Variants in HDGFL2 observed in about 807,000 individuals in gnomAD.
HDGFL2 encodes HDGF like 2.
HDGFL2 carries 36 observed loss-of-function variants against 77.1 expected under a neutral mutation model. The ratio of observed to expected loss-of-function variants is 0.47; its 90% CI spans 0.36 to 0.62. The LOEUF (loss-of-function observed/expected upper bound fraction) is 0.62, where lower values mean the gene tolerates loss of function less well. HDGFL2 is among the 20% of genes least tolerant of loss of function. The pLI, the probability that HDGFL2 is intolerant of heterozygous loss-of-function variation, is 0.00. For synonymous variants in HDGFL2, 463 were observed against 413.1 expected, an observed-to-expected ratio of 1.12 and a Z score of -1.46; for missense variants, 976 against 973.4, an observed-to-expected ratio of 1.00 and a Z score of -0.04.
chr19:4,494,886 C>G (rs1048537118), intron 9 of HDGFL2, among the ~76,000 whole-genome samples: 1 of 152,024 alleles, frequency 6.6e-6, no homozygotes, highest in African/African-American at 2.4e-5. Flanking sequence ...ATCCACTGCA[C>G]TCCAGCCTGG....
At chr19:4,498,760 C>A in intron 12 of HDGFL2, 54 bp from the exon 13 acceptor site, 1 of 1,241,604 alleles carries the variant, frequency 8.1e-7, no homozygotes, top group Non-Finnish European at 1.2e-6. Flanking sequence ...GGCCCTGGGA[C>A]CCCTGGGGAT....
chr19:4,475,065 G>A (rs778215808), intron 1 of HDGFL2: 2 of 575,982 alleles, frequency 3.5e-6, no homozygotes, highest in East Asian at 2.9e-5. Flanking sequence ...CTCCGTCCCT[G>A]GGGTAGGGGG....
rs1294197515 is a variant in HDGFL2 at position 4,488,778 on chromosome 19, G to A, written c.391G>A (p.Val131Ile). 7.7e-6 allele frequency: 12 copies of A among 1,552,102 alleles called. No individual in the cohort carries two copies. Among genetic ancestry groups the A allele is most frequent in the Non-Finnish European group, 1.0e-5 (12 of 1,147,320 alleles). ...EDRGVMAVTA[V>I]TATAASDRME... The stretch of plus-strand genomic sequence containing the variant: ...CCGGGGGGTCATGGCCGTCACAGCG[G>A]TAACCGCCACAGCTGCCAGCGACAG... The change falls in exon 4 of 16, where the codon GTA becomes ATA. Residue 131 changes from valine to isoleucine, a missense_variant. By Grantham distance (29) the Val-to-Ile change is conservative. Around this residue, in one of 5 missense-constraint regions of HDGFL2, gnomAD observed 567 missense variants for 534.7 expected, o/e 1.06. Transcript: ENST00000616600.
At chr19:4,472,450 T>TGGGGGGGGG (rs57169858) in intron 1 of HDGFL2, 28 bp downstream of exon 1, 11 of 282,872 alleles carry the variant, frequency 3.9e-5, no homozygotes, top group South Asian at 1.6e-4. Flanking sequence ...ATGGGGCCGG[T>TGGGGGGGGG]GGGGGGGGGG....
chr19:4,492,213 G>A (rs1287981982), intron 6 of HDGFL2, among the ~76,000 whole-genome samples: 3 of 152,100 alleles, frequency 2.0e-5, no homozygotes, highest in Admixed American at 6.5e-5. Flanking sequence ...GTGCACGTGT[G>A]TCGACGTGCA....
At chr19:4,472,921 G>A (rs1974982220) in intron 1 of HDGFL2, among the ~76,000 whole-genome samples, 2 of 148,634 alleles carry the variant, frequency 1.3e-5, no homozygotes, top group East Asian at 4.1e-4. Context: ...GGGCCTCAGG[G>A]GGCCGCGCCT....
chr19:4,502,030 A>G lies in HDGFL2; in HGVS notation c.*20A>G, dbSNP rs1432338883. Reference sequence around the variant, plus strand: ...AGCTGAGCCGCGGGCAGCCAGGCCCAGCCCCCGCCCGAGCTCAGGCTGCCC... The same window carrying G: ...AGCTGAGCCGCGGGCAGCCAGGCCCGGCCCCCGCCCGAGCTCAGGCTGCCC... On this transcript the variant is annotated 3_prime_UTR_variant, in exon 16 of 16. Coordinates refer to ENST00000616600, the MANE Select transcript of HDGFL2 (RefSeq NM_001001520.3). The G allele has an allele frequency of 1.1e-5, 17 of 1,510,522 alleles. No homozygotes were observed. The highest frequency in any genetic ancestry group is 2.1e-5 in the Admixed American group (1 of 46,920). The allele number at this position is 1,510,522 out of a possible 1,614,324, so 93.6% of individuals were successfully genotyped here. A position where few individuals can be genotyped will look rare whatever the true frequency, so the allele number is the denominator to read the frequency against.
At position 4,498,364 on chromosome 19, in the gene HDGFL2, G is replaced by A. The variant is rs1316086988; in HGVS notation, c.1461G>A (p.Lys487=). ...KLHSEIKFAL[K]VDSPDVKRCL... Reference sequence around the variant, plus strand: ...ACAGTGAGATCAAGTTTGCCCTAAAGGTCGACAGCCCGGTAAGACCCTCAG... The same window carrying A: ...ACAGTGAGATCAAGTTTGCCCTAAAAGTCGACAGCCCGGTAAGACCCTCAG... Residue 487 remains lysine, a synonymous_variant, in exon 12 of 16, where the codon AAG becomes AAA. Coordinates refer to ENST00000616600, the MANE Select transcript of HDGFL2 (RefSeq NM_001001520.3). 6.2e-7 allele frequency: 1 copy of A among 1,613,592 alleles called. No homozygotes were observed. The highest frequency in any genetic ancestry group is 8.5e-7 in the Non-Finnish European group (1 of 1,179,764).
In HDGFL2 at chr19:4,494,218, C is replaced by T. The variant is rs1406815588; in HGVS notation, c.967C>T (p.Arg323Trp). ...ISEWKRRDEA[R>W]RRELEARRRR... Reference sequence around the variant, plus strand: ...TGAGTGGAAGCGGCGGGACGAGGCGCGGAGGCGCGAGCTGGAGGCCCGGCG... The same window carrying T: ...TGAGTGGAAGCGGCGGGACGAGGCGTGGAGGCGCGAGCTGGAGGCCCGGCG... The change falls in exon 9 of 16, where the codon CGG (arginine) becomes TGG (tryptophan). Residue 323 changes from arginine (R) to tryptophan (W), a missense_variant. This residue lies in a region of HDGFL2 where 567 missense variants were observed against 534.7 expected (regional missense o/e 1.06). Coordinates refer to ENST00000616600, the MANE Select transcript of HDGFL2 (RefSeq NM_001001520.3). The T allele has an allele frequency of 6.8e-7, 1 of 1,465,998 alleles. No homozygotes were observed. The highest frequency in any genetic ancestry group is 1.5e-5 in the African/African-American group (1 of 68,572). The allele number at this position is 1,465,998 out of a possible 1,614,324, so 90.8% of individuals were successfully genotyped here.
At chr19:4,475,735 G>A in intron 3 of HDGFL2, 152 bp downstream of exon 3, 1 of 972,382 alleles carries the variant, frequency 1.0e-6, no homozygotes, top group Non-Finnish European at 1.4e-6. Flanking sequence ...GCTGAGCAGT[G>A]TCCCTGGCCT....
chr19:4,479,487 A>G (rs1183198886), intron 3 of HDGFL2, among the ~76,000 whole-genome samples: 1 of 151,574 alleles, frequency 6.6e-6, no homozygotes, highest in Admixed American at 6.6e-5. Context: ...AGGCTGAAGC[A>G]GGAGAATGGC....
In HDGFL2 at chr19:4,493,798, CTCT is replaced by C. The variant is rs1568214024; in HGVS notation, c.777_779del (p.Ser264del). 1 of 1,542,288 alleles carries C rather than the reference CTCT, an allele frequency of 6.5e-7. No homozygotes were observed. Among genetic ancestry groups the C allele is most frequent in the East Asian group, 2.5e-5 (1 of 40,446 alleles). ...TGGCGCGGTCGGCGTCCTCCTCCTC[CTCT>C]TCCTCCTCCTCCTCCGACTCCGATG... On this transcript the variant is annotated inframe_deletion, in exon 7 of 16. Coordinates refer to ENST00000616600, the MANE Select transcript of HDGFL2 (RefSeq NM_001001520.3).
intron 10 of HDGFL2, 49 bp from the exon 11 acceptor site, chr19:4,497,909 G>A (rs1455463175): frequency 6.7e-7 from 1 of 1,495,836 alleles, no homozygotes; most frequent in Non-Finnish European, 9.1e-7. Context: ...GCCCCTCAGT[G>A]GCAGAGTGCC....
At chr19:4,484,410 C>T (rs942062760) in intron 3 of HDGFL2, among the ~76,000 whole-genome samples, 3 of 151,976 alleles carry the variant, frequency 2.0e-5, no homozygotes, top group Non-Finnish European at 2.9e-5. Flanking sequence ...TTTTTCCCAT[C>T]GAGATAACTT....
chr19:4,494,364 G>T lies in HDGFL2; in HGVS notation c.1113G>T (p.Gly371=). The part of the protein sequence containing the change: ...EAERGSGGSS[G]DELREDDEPV... ...AGCGGGGCAGCGGCGGCAGCAGCGG[G>T]GACGAGCTCAGGGAGGACGATGAGC... is the stretch of plus-strand genomic sequence containing the variant. Residue 371 remains glycine, a synonymous_variant, in exon 9 of 16, where the codon GGG becomes GGT. Coordinates refer to ENST00000616600, the MANE Select transcript of HDGFL2 (RefSeq NM_001001520.3). The T allele has an allele frequency of 7.1e-7, 1 of 1,406,324 alleles. No individual in the cohort carries two copies. 87.1% of individuals were successfully genotyped at this position (1,406,324 alleles called of 1,614,324 possible).
chr19:4,501,986 G>C lies in HDGFL2; in HGVS notation c.1992G>C (p.Ser664=), dbSNP rs532686672. ...AGCGCGAGAGGGCACGGGGGGACTC[G>C]GAGGCCCTGGACGAGGAGAGCTGAG... ...RQERERARGD[S]EALDEES is the part of the protein sequence containing the mutation. Residue 664 remains serine (S), a synonymous_variant, in exon 16 of 16, where the codon TCG becomes TCC. Coordinates refer to ENST00000616600, the MANE Select transcript of HDGFL2 (RefSeq NM_001001520.3). 3.3e-6 allele frequency: 5 copies of C among 1,514,020 alleles called. No homozygotes were observed. Among genetic ancestry groups the C allele is most frequent in the Non-Finnish European group, 4.4e-6 (5 of 1,137,986 alleles). 93.8% of individuals were successfully genotyped at this position (1,514,020 alleles called of 1,614,324 possible).
At chr19:4,497,199 T>C (rs747319645) in intron 10 of HDGFL2, 1 of 430,772 alleles carries the variant, frequency 2.3e-6, no homozygotes, top group Admixed American at 2.5e-5. Flanking sequence ...TTTTTGTTTT[T>C]GTTTTTTTTT....
chr19:4,494,352 C>T lies in HDGFL2; in HGVS notation c.1101C>T (p.Gly367=), dbSNP rs1051910289. 5 of 1,405,092 alleles carry T rather than the reference C, an allele frequency of 3.6e-6. No individual in the cohort carries two copies. Among genetic ancestry groups the T allele is most frequent in the Admixed American group, 3.5e-5 (1 of 28,946 alleles). The allele number at this position is 1,405,092 out of a possible 1,614,324, so 87.0% of individuals were successfully genotyped here. The change falls in exon 9 of 16, where the codon GGC becomes GGT. Residue 367 remains glycine (G), a synonymous_variant. Transcript: ENST00000616600. The part of the protein sequence containing the change: ...ADRGEAERGS[G]GSSGDELRED... ...GCGGGGAGGCTGAGCGGGGCAGCGG[C>T]GGCAGCAGCGGGGACGAGCTCAGGG...
In HDGFL2 at chr19:4,488,727, AG is replaced by A. The variant is rs1568210368; in HGVS notation, c.341del (p.Ser114MetfsTer18). 1.3e-6 allele frequency: 2 copies of A among 1,553,986 alleles called. No homozygotes were observed. Among genetic ancestry groups the A allele is most frequent in the Admixed American group, 3.9e-5 (2 of 51,516 alleles). ...EAPEANPADG[S>X]DADEDDEDRG... ...CCCCGAGGCCAACCCCGCCGACGGC[AG>A]TGACGCTGACGAGGACGATGAGGAC... is the stretch of plus-strand genomic sequence containing the variant. On this transcript the variant is annotated frameshift_variant, in exon 4 of 16. Coordinates refer to ENST00000616600, the MANE Select transcript of HDGFL2 (RefSeq NM_001001520.3). LOFTEE classifies it high-confidence loss of function.
Sources: allele counts gnomAD v4.1 joint callset (sites outside exome capture counted in the v4.1 genomes callset), GRCh38; gene constraint gnomAD v4.1.1; regional missense constraint gnomAD v4.1.1; transcripts MANE v1.5; gene names NCBI Gene and HGNC (gene_info 2026-07-23, HGNC 2026-07-21).